The following TAF8 variants were observed in gnomAD, a reference collection of about 807,000 sequenced individuals.
TAF8 encodes transcription initiation factor TFIID subunit 8.
A neutral mutation model predicts 36.5 loss-of-function variants in TAF8; 47 were observed. That is an observed-to-expected ratio of 1.29 (90% CI 1.02 to 1.64). The LOEUF (loss-of-function observed/expected upper bound fraction) is 1.64. Among genes scored for constraint, TAF8 ranks in the 40% most tolerant of loss-of-function variants. TAF8 has a pLI of 0.00. For synonymous variants in TAF8, 175 were observed against 159.5 expected (o/e 1.10, Z -0.73); for missense variants, 420 against 407.6 (o/e 1.03, Z -0.26).
chr6:42,053,565 CAA>C (rs35079316), intron 2 of TAF8, among the ~76,000 whole-genome samples: 12,175 of 122,166 alleles, frequency 0.1, 627 homozygotes, highest in East Asian at 0.26. Context: ...AACTCCGTCT[CAA>C]AAAAAAAAAA....
intron 1 of TAF8, 172 bp from the exon 2 acceptor site, chr6:42,051,185 C>G (rs749049167): frequency 5.4e-6 from 7 of 1,307,844 alleles, no homozygotes; most frequent in Non-Finnish European, 7.0e-6. Flanking sequence ...ATTTAAAGCA[C>G]CTTGGGTGCT....
chr6:42,052,252 A>G (rs1764817238), intron 2 of TAF8, among the ~76,000 whole-genome samples: 1 of 152,154 alleles, frequency 6.6e-6, no homozygotes, highest in African/African-American at 2.4e-5. Flanking sequence ...TTCCCCATGC[A>G]ATAGATATCA....
downstream of TAF8, chr6:42,087,182 G>T (rs149298537): frequency 3.6e-3 from 710 of 196,378 alleles, 2 homozygotes; most frequent in Middle Eastern, 6.1e-3. Flanking sequence ...AGCTCTTGGA[G>T]GTGCCCAGGA....
chr6:42,070,969 G>T (rs1043753574), intron 7 of TAF8, among the ~76,000 whole-genome samples: 1 of 152,092 alleles, frequency 6.6e-6, no homozygotes, highest in Non-Finnish European at 1.5e-5. Context: ...TTGTTTTAGG[G>T]TATACTTTCT....
At chr6:42,067,904 C>G (rs749590426) in intron 6 of TAF8, among the ~76,000 whole-genome samples, 1 of 152,156 alleles carries the variant, frequency 6.6e-6, no homozygotes, top group Non-Finnish European at 1.5e-5. Context: ...ATTTCTTCCT[C>G]TCATCCTCAT....
intron 7 of TAF8, among the ~76,000 whole-genome samples, chr6:42,071,798 A>T (rs553365194): frequency 4.6e-5 from 7 of 152,314 alleles, no homozygotes; most frequent in African/African-American, 1.7e-4. Flanking sequence ...GAGAAAGAGG[A>T]ATCATGTAAA....
At chr6:42,086,435 C>G (rs1562026830), downstream of TAF8, among the ~76,000 whole-genome samples, 1 of 152,232 alleles carries the variant, frequency 6.6e-6, no homozygotes, top group Non-Finnish European at 1.5e-5. Flanking sequence ...CCAAGAAGTT[C>G]TGAACAGAAT....
In TAF8 at chr6:42,075,938, G is replaced by A. The variant is rs556564990; in HGVS notation, c.781-1162G>A. Among the ~76,000 whole-genome samples, 286 of 152,254 alleles carry A rather than the reference G, an allele frequency of 1.9e-3. 1 individual carries two copies. The highest frequency in any genetic ancestry group is 6.5e-3 in the African/African-American group (268 of 41,542). ...AATGAACAGTAAAGCGGCCGGGCGCGGTGGCTCACGCCTGTAATCCCAGCA... is the reference window on the plus strand; with the variant it reads ...AATGAACAGTAAAGCGGCCGGGCGCAGTGGCTCACGCCTGTAATCCCAGCA... On this transcript the variant is annotated intron_variant, in intron 7 of 8. Transcript: ENST00000372977.
At chr6:42,076,220 G>A (rs1391550730) in intron 7 of TAF8, among the ~76,000 whole-genome samples, 1 of 143,340 alleles carries the variant, frequency 7.0e-6, no homozygotes, top group Non-Finnish European at 1.5e-5. Flanking sequence ...AAAAAAAAAT[G>A]AACAGTAAAA....
In TAF8 at chr6:42,066,450, A is replaced by T; in HGVS notation, c.628A>T (p.Thr210Ser). 1 of 1,614,170 alleles carries T rather than the reference A, an allele frequency of 6.2e-7. No homozygotes were observed. Among genetic ancestry groups the T allele is most frequent in the Non-Finnish European group, 8.5e-7 (1 of 1,180,000 alleles). The change falls in exon 6 of 9, where the codon ACA (threonine) becomes TCA (serine). Residue 210 changes from threonine to serine, a missense_variant. Physicochemically the swap from Thr to Ser is moderately conservative, Grantham distance 58. Coordinates refer to ENST00000372977, the MANE Select transcript of TAF8 (RefSeq NM_138572.3). ...GAGTCTTTTCAAAGATGACGTCAGC[A>T]CATTTCCATGTGAGAGTTGCCCCAC... is the stretch of plus-strand genomic sequence containing the variant. The part of the protein sequence containing the change: ...TQSLFKDDVS[T>S]FPLIAARPFT...
chr6:42,060,217 T>C (rs1214241594), intron 5 of TAF8, among the ~76,000 whole-genome samples: 2 of 152,178 alleles, frequency 1.3e-5, no homozygotes, highest in Admixed American at 1.3e-4. Context: ...TAGAATTTAG[T>C]CTAAACTGCA....
intron 7 of TAF8, among the ~76,000 whole-genome samples, chr6:42,074,838 C>CTT (rs5875785): frequency 1.4e-5 from 2 of 143,366 alleles, no homozygotes; most frequent in African/African-American, 5.2e-5. Flanking sequence ...GCCTGGCCTA[C>CTT]TTTTTTTTTT....
intron 4 of TAF8, among the ~76,000 whole-genome samples, chr6:42,056,826 G>A (rs1287904181): frequency 1.3e-5 from 2 of 152,116 alleles, no homozygotes; most frequent in East Asian, 1.9e-4. Context: ...AGCTGGTCTC[G>A]AACTCCTGAC....
chr6:42,067,828 G>A (rs562733272), intron 6 of TAF8, among the ~76,000 whole-genome samples: 2 of 151,942 alleles, frequency 1.3e-5, no homozygotes, highest in South Asian at 2.1e-4. Flanking sequence ...GCCTCCCACA[G>A]TGCTAGGATT....
At chr6:42,053,100 G>C (rs760188613) in intron 2 of TAF8, among the ~76,000 whole-genome samples, 7 of 151,904 alleles carry the variant, frequency 4.6e-5, no homozygotes, top group Non-Finnish European at 7.4e-5. Context: ...TTAGAGATGG[G>C]GTCTTGCTGT....
downstream of TAF8, among the ~76,000 whole-genome samples, chr6:42,085,458 G>T (rs1402390848): frequency 6.6e-6 from 1 of 152,170 alleles, no homozygotes; most frequent in Non-Finnish European, 1.5e-5. Flanking sequence ...AATCCCCGAG[G>T]TGATAATGTT....
chr6:42,052,317 G>GCCCC (rs59000289), intron 2 of TAF8, among the ~76,000 whole-genome samples: 16 of 138,592 alleles, frequency 1.2e-4, no homozygotes, highest in African/African-American at 4.5e-4. Context: ...AAGGGGAAAA[G>GCCCC]CCCCCCCCCC....
chr6:42,063,562 C>T (rs1348165571), intron 5 of TAF8: 1 of 152,124 alleles, frequency 6.6e-6, no homozygotes, highest in African/African-American at 2.4e-5. Flanking sequence ...ATTGCCTCTG[C>T]TTTTTATTTT....
chr6:42,076,961 G>A, intron 7 of TAF8, 139 bp from the exon 8 acceptor site: 6 of 1,099,924 alleles, frequency 5.5e-6, no homozygotes, highest in Non-Finnish European at 7.7e-6. Context: ...CATCGGGGCA[G>A]AGATAGGAAT....
Sources: gnomAD v4.1 joint callset for allele counts (sites outside exome capture counted in the v4.1 genomes callset) on GRCh38, gnomAD v4.1.1 for gene constraint, MANE v1.5 for transcripts, NCBI Gene and HGNC (gene_info 2026-07-23, HGNC 2026-07-21) for gene names.